EML2: variants seen among roughly 807,000 people sequenced by gnomAD.
EML2 encodes the protein EMAP like 2.
In EML2, 59 loss-of-function variants were observed where a neutral mutation model predicts 84.7. The observed-to-expected ratio is 0.70, with a 90% CI of 0.56 to 0.86. The LOEUF is 0.86. Ranked by LOEUF, EML2 falls within the 40% of genes least tolerant of loss-of-function variation. The probability of loss-of-function intolerance (pLI) is 0.00; values close to 1 mark genes in which losing one functional copy is unlikely to be tolerated. For synonymous variants in EML2, 352 were observed against 348.9 expected (o/e 1.01, Z -0.10); for missense variants, 818 against 855.6 (o/e 0.96, Z 0.55).
intron 17 of EML2, among the ~76,000 whole-genome samples, chr19:45,613,939 C>G (rs1025045310): frequency 6.6e-6 from 1 of 152,176 alleles, no homozygotes; most frequent in Non-Finnish European, 1.5e-5. Flanking sequence ...CATCCCTCAT[C>G]AGTGCTCCTG....
chr19:45,642,321 T>A (rs1410477571), upstream of EML2: 9 of 1,534,648 alleles, frequency 5.9e-6, no homozygotes, highest in Non-Finnish European at 7.9e-6. Flanking sequence ...GGTCGTCCAC[T>A]TCCATACCGC....
chr19:45,609,903 A>G (rs1223701171), intron 18 of EML2, 115 bp from the exon 19 acceptor site: 1 of 1,078,138 alleles, frequency 9.3e-7, no homozygotes. Flanking sequence ...TTTTTTTTTT[A>G]ATCACTTAGA....
rs1972047425 is a variant in EML2 at position 45,624,270 on chromosome 19, A to C, written c.841+449T>G. Among the ~76,000 whole-genome samples the C allele has an allele frequency of 2.0e-5, 3 of 152,146 alleles. No homozygotes were observed. In the South Asian group the frequency reaches 6.2e-4, roughly 31 times the overall value. On this transcript the variant is annotated intron_variant, in intron 9 of 18. Coordinates refer to ENST00000245925, the MANE Select transcript of EML2 (RefSeq NM_012155.4). ...CAACCACTCATTTGTTCCTTTACCC[A>C]GTCACTCTCCCTTTAAGGAGGATGA...
intron 8 of EML2, among the ~76,000 whole-genome samples, chr19:45,626,255 T>TC (rs932678777): frequency 6.6e-6 from 1 of 151,106 alleles, no homozygotes; most frequent in African/African-American, 2.4e-5. Flanking sequence ...CAAGGGATCC[T>TC]CCCCCCTCAG....
chr19:45,616,958 G>A (rs1485757527), intron 13 of EML2, 105 bp from the exon 14 acceptor site: 9 of 843,784 alleles, frequency 1.1e-5, no homozygotes, highest in Non-Finnish European at 1.7e-5. Flanking sequence ...CCCCAGAAGT[G>A]ACCTGGGCTG....
At chr19:45,610,597 G>T (rs547818450) in intron 18 of EML2, among the ~76,000 whole-genome samples, 1 of 151,954 alleles carries the variant, frequency 6.6e-6, no homozygotes. Context: ...CAGCACTTTG[G>T]GAGGCCAAGT....
intron 11 of EML2, among the ~76,000 whole-genome samples, chr19:45,620,032 T>TATA (rs776967604): frequency 6.6e-6 from 1 of 152,026 alleles, no homozygotes; most frequent in African/African-American, 2.4e-5. Context: ...GGCTGGGTGA[T>TATA]ATAATAAATA....
At chr19:45,637,724 C>T (rs35347616) in intron 3 of EML2, among the ~76,000 whole-genome samples, 3 of 142,554 alleles carry the variant, frequency 2.1e-5, no homozygotes, top group South Asian at 2.2e-4. Context: ...TGGCCCAGGC[C>T]GGAAAGCAGT....
At chr19:45,644,926 G>A, upstream of EML2, 1 of 437,838 alleles carries the variant, frequency 2.3e-6, no homozygotes, top group Non-Finnish European at 4.5e-6. Context: ...ATGGAGATAG[G>A]GGAGCATTCC....
At position 45,613,746 on chromosome 19, in the gene EML2, C is replaced by T; in HGVS notation, c.1694-75G>A. 5.1e-6 allele frequency: 8 copies of T among 1,558,966 alleles called. No homozygotes were observed. The South Asian group carries it at 9.2e-5, about 18-fold the overall frequency. Reference sequence around the variant, plus strand: ...CCGCCAAGAGGAGCAGATTGCCACTCCAGCCACCTTAATTTGTTCCGACCT... The same window carrying T: ...CCGCCAAGAGGAGCAGATTGCCACTTCAGCCACCTTAATTTGTTCCGACCT... On this transcript the variant is annotated intron_variant, in intron 17 of 18. Coordinates refer to ENST00000245925, the MANE Select transcript of EML2 (RefSeq NM_012155.4).
Position 45,637,920 on chromosome 19 carries a change from G to A in EML2, c.179+585C>T, listed in dbSNP as rs140993996. ...TCAAACTCCTGACCTCAGGTGATCT[G>A]CCCACCTCGGCCTCCCAAAGTGCTC... On this transcript the variant is annotated intron_variant, in intron 3 of 18. Coordinates refer to ENST00000245925, the MANE Select transcript of EML2 (RefSeq NM_012155.4). 5.0e-3 allele frequency among the ~76,000 whole-genome samples: 762 copies of A among 151,962 alleles called. 2 individuals carry two copies. The highest frequency in any genetic ancestry group is 6.8e-3 in the Middle Eastern group (2 of 294).
At chr19:45,639,450 G>T, upstream of EML2, 7 of 1,231,796 alleles carry the variant, frequency 5.7e-6, no homozygotes, top group Non-Finnish European at 6.1e-6. Flanking sequence ...CCTGGGAGGC[G>T]CCCGGGCCGC....
rs112658998 is a variant in EML2, at chr19:45,613,769, C to T, written c.1694-98G>A. ...CTCCAGCCACCTTAATTTGTTCCGACCTAGCCTGTATCTATCCGAGGATAT... is the reference window on the plus strand; with the variant it reads ...CTCCAGCCACCTTAATTTGTTCCGATCTAGCCTGTATCTATCCGAGGATAT... On this transcript the variant is annotated intron_variant, in intron 17 of 18. Transcript: ENST00000245925. 204 of 1,458,692 alleles carry T rather than the reference C, an allele frequency of 1.4e-4. No homozygotes were observed. In the African/African-American group the frequency reaches 2.4e-3, roughly 17 times the overall value. 90.4% of individuals were successfully genotyped at this position (1,458,692 alleles called of 1,614,324 possible). A position where few individuals can be genotyped will look rare whatever the true frequency, so the allele number is the denominator to read the frequency against.
Position 45,616,561 on chromosome 19 carries a change from G to T in EML2, c.1412-3C>A. The T allele has an allele frequency of 6.2e-7, 1 of 1,603,976 alleles. No individual in the cohort carries two copies. The highest frequency in any genetic ancestry group is 1.1e-5 in the South Asian group (1 of 90,614). The stretch of plus-strand genomic sequence containing the variant: ...GCCCACGGCCAGGTACGCCCCGTCT[G>T]GGGGAGGGGGAGGGGGGCTATGAGG... On this transcript the variant is annotated splice_polypyrimidine_tract_variant and splice_region_variant and intron_variant, in intron 14 of 18. Transcript: ENST00000245925.
chr19:45,639,246 G>A, intron 1 of EML2, 111 bp downstream of exon 1: 1 of 1,109,378 alleles, frequency 9.0e-7, no homozygotes. Context: ...GAGTTTAAGG[G>A]AAGGGGCGTG....
chr19:45,637,579 A>C (rs1459794764), intron 3 of EML2, among the ~76,000 whole-genome samples: 1 of 150,462 alleles, frequency 6.6e-6, no homozygotes, highest in African/African-American at 2.5e-5. Context: ...CCCAGGCTCA[A>C]GTGATGCTCC....
At chr19:45,630,163 C>G in intron 6 of EML2, 117 bp from the exon 7 acceptor site, 7 of 718,934 alleles carry the variant, frequency 9.7e-6, no homozygotes, top group South Asian at 9.2e-5. Context: ...AGGCTGGGCA[C>G]AGTAGGTGGG....
At position 45,632,848 on chromosome 19, in the gene EML2, G is replaced by A. The variant is rs367792540; in HGVS notation, c.510+13C>T. 13 of 1,609,746 alleles carry A rather than the reference G, an allele frequency of 8.1e-6. No homozygotes were observed. The highest frequency in any genetic ancestry group is 1.0e-5 in the Non-Finnish European group (12 of 1,177,084). The stretch of plus-strand genomic sequence containing the variant: ...GGGCGAAGGGGCGGGGTTAGGGTGG[G>A]CGAAGGACTTACAGATTTGGAGAAG... On this transcript the variant is annotated intron_variant, in intron 6 of 18. Coordinates refer to ENST00000245925, the MANE Select transcript of EML2 (RefSeq NM_012155.4).
chr19:45,619,252 C>G, intron 11 of EML2, 61 bp from the exon 12 acceptor site: 7 of 1,544,290 alleles, frequency 4.5e-6, no homozygotes, highest in Non-Finnish European at 6.1e-6. Context: ...CCACTCAACA[C>G]TAATGCCAGA....
Sources: allele counts gnomAD v4.1 joint callset (sites outside exome capture counted in the v4.1 genomes callset), GRCh38; gene constraint gnomAD v4.1.1; transcripts MANE v1.5; gene names NCBI Gene and HGNC (gene_info 2026-07-23, HGNC 2026-07-21).